The following FXR1 variants were observed in gnomAD, a reference collection of about 807,000 sequenced individuals.
FXR1 encodes FMR1 autosomal homolog 1.
Under a neutral mutation model 84.0 loss-of-function variants are expected in FXR1, and 15 were observed. That is an observed-to-expected ratio of 0.18 (90% confidence interval 0.12 to 0.27). The LOEUF is 0.27. Among genes scored for constraint, FXR1 ranks in the 10% least tolerant of loss-of-function variants. The pLI, the probability that FXR1 is intolerant of heterozygous loss-of-function variation, is 1.00. For synonymous variants in FXR1, 245 were observed against 250.7 expected (o/e 0.98, Z 0.21); for missense variants, 480 against 774.4 (o/e 0.62, Z 4.51).
chr3:180,912,819 G>A, intron 1 of FXR1, 83 bp downstream of exon 1: 1 of 1,606,412 alleles, frequency 6.2e-7, no homozygotes. Context: ...AGAGAGTGAG[G>A]TTTGGGGTCG....
rs780987614 is a variant in FXR1, at chr3:180,976,142, G to A, written c.1716G>A (p.Glu572=). 3 of 1,612,522 alleles carry A rather than the reference G, an allele frequency of 1.9e-6. No homozygotes were observed. The highest frequency in any genetic ancestry group is 2.5e-6 in the Non-Finnish European group (3 of 1,179,270). The change falls in exon 17 of 17, where the codon GAG becomes GAA. Residue 572 remains glutamate (E), a synonymous_variant. Coordinates refer to ENST00000357559, the MANE Select transcript of FXR1 (RefSeq NM_005087.4). ...KKEMAKDVIE[E]HGPSEKAING... Reference sequence around the variant, plus strand: ...GGCAGGCAAAAGATGTGATTGAAGAGCATGGTCCTTCAGAAAAGGCAATAA... The same window carrying A: ...GGCAGGCAAAAGATGTGATTGAAGAACATGGTCCTTCAGAAAAGGCAATAA...
At position 180,919,624 on chromosome 3, in the gene FXR1, G is replaced by A. The variant is rs557476096; in HGVS notation, c.51+6888G>A. Among the ~76,000 whole-genome samples, 8 of 150,438 alleles carry A rather than the reference G, an allele frequency of 5.3e-5. No homozygotes were observed. The East Asian group carries it at 1.6e-3, about 30-fold the overall frequency. ...TGATTACATGTTGGATAATATTTTA[G>A]GTATATTAGGTTAAATAATATTGAA... On this transcript the variant is annotated intron_variant, in intron 1 of 16. Transcript: ENST00000357559.
At chr3:180,969,024 A>G (rs1713201084) in intron 14 of FXR1, among the ~76,000 whole-genome samples, 1 of 152,200 alleles carries the variant, frequency 6.6e-6, no homozygotes, top group African/African-American at 2.4e-5. Context: ...CTTATGTAGT[A>G]TTTTAATATT....
At chr3:180,964,007 T>G (rs1712479639) in intron 13 of FXR1, among the ~76,000 whole-genome samples, 1 of 152,238 alleles carries the variant, frequency 6.6e-6, no homozygotes, top group Non-Finnish European at 1.5e-5. Context: ...AATTTCATGC[T>G]TTAATTGAAG....
At chr3:180,952,889 G>C (rs1449864999) in intron 8 of FXR1, among the ~76,000 whole-genome samples, 1 of 147,542 alleles carries the variant, frequency 6.8e-6, no homozygotes, top group African/African-American at 2.5e-5. Flanking sequence ...CTGGAGTGCA[G>C]TGGCGTGATC....
At chr3:180,951,991 T>A (rs1722272150) in intron 8 of FXR1, among the ~76,000 whole-genome samples, 1 of 152,214 alleles carries the variant, frequency 6.6e-6, no homozygotes, top group African/African-American at 2.4e-5. Context: ...TGCTTGAGCC[T>A]ATGAGTTTGA....
intron 9 of FXR1, among the ~76,000 whole-genome samples, chr3:180,954,540 CTTT>C (rs1207129183): frequency 6.6e-6 from 1 of 152,130 alleles, no homozygotes; most frequent in Non-Finnish European, 1.5e-5. Context: ...TCTGTGCTGT[CTTT>C]TTGCTATTTG....
intron 3 of FXR1, among the ~76,000 whole-genome samples, chr3:180,938,666 A>T (rs1247081439): frequency 6.6e-6 from 1 of 151,830 alleles, no homozygotes; most frequent in African/African-American, 2.4e-5. Context: ...CTCCTGCCTC[A>T]GCCTCCCTAG....
chr3:180,922,723 C>T (rs537141699), intron 1 of FXR1, among the ~76,000 whole-genome samples: 45 of 152,262 alleles, frequency 3.0e-4, no homozygotes, highest in South Asian at 8.3e-4. Context: ...AGCGATCCTC[C>T]TGCCTCAGCC....
chr3:180,979,153 GGA>G lies in FXR1; in HGVS notation c.*2863_*2864del, dbSNP rs1260402471. On this transcript the variant is annotated 3_prime_UTR_variant, in exon 17 of 17. Coordinates refer to ENST00000357559, the MANE Select transcript of FXR1 (RefSeq NM_005087.4). ...CTGTGTCTAGCGTTTTGTAACCTAA[GGA>G]GGGTCTTATAGAAGTTGGTATGTTA... is the stretch of plus-strand genomic sequence containing the variant. 1 of 152,064 alleles carries G rather than the reference GGA, an allele frequency of 6.6e-6. No individual in the cohort carries two copies. Among genetic ancestry groups the G allele is most frequent in the Non-Finnish European group, 1.5e-5 (1 of 67,992 alleles). The allele number at this position is 152,064 out of a possible 1,614,324, so 9.4% of individuals were successfully genotyped here.
At chr3:180,965,467 T>C (rs1233710912) in intron 13 of FXR1, among the ~76,000 whole-genome samples, 1 of 149,644 alleles carries the variant, frequency 6.7e-6, no homozygotes, top group East Asian at 2.0e-4. Context: ...ACTTAGAGGC[T>C]TGACCACAGA....
intron 2 of FXR1, among the ~76,000 whole-genome samples, chr3:180,933,927 T>C (rs1170114567): frequency 6.6e-6 from 1 of 151,936 alleles, no homozygotes; most frequent in Non-Finnish European, 1.5e-5. Flanking sequence ...CTGGCCAACA[T>C]GGTGAAACCC....
At chr3:180,946,170 T>C (rs1013179988) in intron 3 of FXR1, among the ~76,000 whole-genome samples, 1 of 152,208 alleles carries the variant, frequency 6.6e-6, no homozygotes, top group African/African-American at 2.4e-5. Context: ...TTTGGTCTTT[T>C]TGAACTGTTT....
chr3:180,966,093 T>C (rs1419903824), intron 13 of FXR1, among the ~76,000 whole-genome samples: 1 of 152,186 alleles, frequency 6.6e-6, no homozygotes, highest in African/African-American at 2.4e-5. Context: ...AAAGGCTTTT[T>C]TTTTCACTAT....
intron 2 of FXR1, among the ~76,000 whole-genome samples, chr3:180,933,811 G>A (rs199848024): frequency 1.3e-5 from 2 of 151,948 alleles, no homozygotes; most frequent in East Asian, 3.9e-4. Flanking sequence ...GGTTAGGAAG[G>A]GCTATAAAAG....
chr3:180,920,517 CTTTTT>C (rs11359852), intron 1 of FXR1, among the ~76,000 whole-genome samples: 1 of 127,366 alleles, frequency 7.9e-6, no homozygotes, highest in Admixed American at 7.9e-5. Flanking sequence ...TAGTTTTGTT[CTTTTT>C]TTTTTTTTTT....
intron 7 of FXR1, among the ~76,000 whole-genome samples, chr3:180,950,846 A>C (rs971632175): frequency 1.3e-5 from 2 of 152,134 alleles, no homozygotes; most frequent in Admixed American, 6.5e-5. Flanking sequence ...TTCATTCATT[A>C]ATTGGTCTGT....
chr3:180,936,243 A>G (rs1384610507), intron 3 of FXR1, among the ~76,000 whole-genome samples: 4 of 151,820 alleles, frequency 2.6e-5, no homozygotes, highest in Admixed American at 6.6e-5. Context: ...TTTGCAAATG[A>G]TTTAGTTATC....
At chr3:180,956,826 T>G (rs952577986) in intron 9 of FXR1, among the ~76,000 whole-genome samples, 2 of 152,218 alleles carry the variant, frequency 1.3e-5, no homozygotes. Context: ...ACCAGTCTAC[T>G]GTTGTCGTTC....
Sources: allele counts gnomAD v4.1 joint callset (sites outside exome capture counted in the v4.1 genomes callset), GRCh38; gene constraint gnomAD v4.1.1; transcripts MANE v1.5; gene names NCBI Gene and HGNC (gene_info 2026-07-23, HGNC 2026-07-21).